Variants in FBXO4 observed in about 807,000 individuals in gnomAD.
FBXO4 encodes F-box protein 4.
Under a neutral mutation model 43.7 loss-of-function variants are expected in FBXO4, and 36 were observed. That is an observed-to-expected ratio of 0.82 (90% CI 0.63 to 1.09). The LOEUF (loss-of-function observed/expected upper bound fraction) is 1.09. Among genes scored for constraint, FBXO4 ranks in the 50% least tolerant of loss-of-function variants. The pLI is 0.00. For missense variants in FBXO4, 435 were observed against 474.1 expected (o/e 0.92, Z 0.77); for synonymous variants, 180 against 165.6 (o/e 1.09, Z -0.67).
the FBXO4 span, among the ~76,000 whole-genome samples, chr5:41,994,829 G>T: frequency 6.6e-6 from 1 of 152,072 alleles, no homozygotes; most frequent in Non-Finnish European, 1.5e-5. Flanking sequence ...CCTCTAGGCC[G>T]TCAGAATGTA....
At chr5:41,975,153 G>A in the FBXO4 span, among the ~76,000 whole-genome samples, 5 of 152,086 alleles carry the variant, frequency 3.3e-5, no homozygotes, top group East Asian at 9.6e-4. Context: ...AGGACTCTAT[G>A]GTCTCTCACT....
the FBXO4 span, among the ~76,000 whole-genome samples, chr5:41,947,913 A>G: frequency 6.6e-6 from 1 of 152,278 alleles, no homozygotes; most frequent in Middle Eastern, 3.4e-3. Context: ...GACTCACCCA[A>G]GACGGTGATG....
the FBXO4 span, among the ~76,000 whole-genome samples, chr5:41,970,057 G>C: frequency 6.6e-6 from 1 of 152,096 alleles, no homozygotes; most frequent in East Asian, 1.9e-4. Flanking sequence ...GTTATATATA[G>C]GCATTTTACT....
At chr5:42,031,766 G>T in the FBXO4 span, among the ~76,000 whole-genome samples, 2 of 151,974 alleles carry the variant, frequency 1.3e-5, no homozygotes, top group African/African-American at 4.8e-5. Flanking sequence ...GTCTGGCATT[G>T]AAGAGGTAGA....
the FBXO4 span, among the ~76,000 whole-genome samples, chr5:41,954,624 T>C: frequency 6.6e-6 from 1 of 152,290 alleles, no homozygotes; most frequent in East Asian, 1.9e-4. Flanking sequence ...AAATTTGCAA[T>C]CAGAAATGTT....
the FBXO4 span, among the ~76,000 whole-genome samples, chr5:42,019,269 G>T: frequency 6.6e-6 from 1 of 152,092 alleles, no homozygotes; most frequent in Non-Finnish European, 1.5e-5. Flanking sequence ...ATGAAAGGAG[G>T]AATGTAAAAT....
intron 5 of FBXO4, among the ~76,000 whole-genome samples, chr5:41,937,054 T>A (rs905166499): frequency 2.0e-4 from 30 of 152,142 alleles, no homozygotes; most frequent in African/African-American, 7.2e-4. Flanking sequence ...ATCTAACTTA[T>A]CTGTAATTGG....
At position 41,929,801 on chromosome 5, in the gene FBXO4, C is replaced by G; in HGVS notation, c.530C>G (p.Pro177Arg). 6.2e-7 allele frequency: 1 copy of G among 1,614,062 alleles called. No individual in the cohort carries two copies. The highest frequency in any genetic ancestry group is 8.5e-7 in the Non-Finnish European group (1 of 1,179,998). ...FLHSLIIQNE[P>R]RFAMFGPGLE... is the part of the protein sequence containing the mutation. ...CACTCCCTGATCATTCAGAATGAAC[C>G]ACGATTTGCTATGTTTGGACCAGGT... The change falls in exon 3 of 7, where the codon CCA becomes CGA. Residue 177 changes from proline (P) to arginine (R), a missense_variant. Physicochemically the swap from Pro to Arg is moderately radical, Grantham distance 103. Transcript: ENST00000281623.
At chr5:41,998,501 G>A in the FBXO4 span, among the ~76,000 whole-genome samples, 1 of 152,042 alleles carries the variant, frequency 6.6e-6, no homozygotes, top group Non-Finnish European at 1.5e-5. Flanking sequence ...GCTCACAGTG[G>A]GCCATATTTT....
At chr5:42,002,363 A>T in the FBXO4 span, among the ~76,000 whole-genome samples, 4 of 152,220 alleles carry the variant, frequency 2.6e-5, no homozygotes, top group African/African-American at 7.2e-5. Flanking sequence ...CACTATGATG[A>T]TCCTAACCTA....
At chr5:41,945,924 C>T (rs1579991447), downstream of FBXO4, among the ~76,000 whole-genome samples, 1 of 152,320 alleles carries the variant, frequency 6.6e-6, no homozygotes, top group Admixed American at 6.5e-5. Context: ...TTTTAAGGCT[C>T]TGTTAGAAAT....
the FBXO4 span, among the ~76,000 whole-genome samples, chr5:41,997,783 G>C: frequency 6.6e-6 from 1 of 152,112 alleles, no homozygotes; most frequent in Non-Finnish European, 1.5e-5. Flanking sequence ...CAATTACTCT[G>C]GTAAAAGGCT....
rs138509166 is a variant in FBXO4 at position 41,933,070 on chromosome 5, T to A, written c.647-876T>A. On this transcript the variant is annotated intron_variant, in intron 3 of 6. Transcript: ENST00000281623. ...AGTAAACCTAAGAAGAATATATTAG[T>A]TCAACTTCTTTTTGGTGTCAAACTG... Among the ~76,000 whole-genome samples, 345 of 152,288 alleles carry A rather than the reference T, an allele frequency of 2.3e-3. 1 individual carries two copies. The highest frequency in any genetic ancestry group is 7.8e-3 in the African/African-American group (326 of 41,544).
chr5:42,019,387 T>C, the FBXO4 span, among the ~76,000 whole-genome samples: 2 of 152,170 alleles, frequency 1.3e-5, no homozygotes, highest in African/African-American at 4.8e-5. Flanking sequence ...TAAATGTGTC[T>C]ACTAGAAAAT....
At chr5:41,955,954 G>A in the FBXO4 span, among the ~76,000 whole-genome samples, 2 of 152,044 alleles carry the variant, frequency 1.3e-5, no homozygotes, top group Non-Finnish European at 2.9e-5. Flanking sequence ...ACACCTACAA[G>A]GAAGACCAGA....
At chr5:42,010,915 T>C in the FBXO4 span, among the ~76,000 whole-genome samples, 2,522 of 152,228 alleles carry the variant, frequency 0.017, 134 homozygotes, top group East Asian at 0.12. Flanking sequence ...CTGGGATACA[T>C]GTGCAGAACC....
chr5:41,937,150 GACA>G (rs369868699), intron 5 of FBXO4, among the ~76,000 whole-genome samples: 3 of 152,216 alleles, frequency 2.0e-5, no homozygotes, highest in Non-Finnish European at 4.4e-5. Flanking sequence ...ATTATGGAAA[GACA>G]ACAAACCACA....
intron 3 of FBXO4, among the ~76,000 whole-genome samples, chr5:41,932,584 G>T (rs1289566213): frequency 6.6e-6 from 1 of 152,176 alleles, no homozygotes; most frequent in East Asian, 1.9e-4. Context: ...AGATATTATG[G>T]TTTTATTTCT....
At chr5:41,940,339 C>T (rs191284830) in intron 6 of FBXO4, among the ~76,000 whole-genome samples, 1 of 152,062 alleles carries the variant, frequency 6.6e-6, no homozygotes, top group Non-Finnish European at 1.5e-5. Flanking sequence ...TTGGCTCACT[C>T]CAACCTCTGC....
Sources: gnomAD v4.1 joint callset for allele counts (sites outside exome capture counted in the v4.1 genomes callset) on GRCh38, gnomAD v4.1.1 for gene constraint, MANE v1.5 for transcripts, NCBI Gene and HGNC (gene_info 2026-07-23, HGNC 2026-07-21) for gene names.